Variants in VGLL4 observed in about 807,000 individuals in gnomAD.
VGLL4 encodes vestigial like family member 4.
VGLL4 carries 7 observed loss-of-function variants against 21.0 expected under a neutral mutation model. The ratio of observed to expected loss-of-function variants is 0.33; its 90% confidence interval spans 0.19 to 0.63. The LOEUF (loss-of-function observed/expected upper bound fraction) is 0.63, where lower values mean the gene tolerates loss of function less well. VGLL4 is among the 20% of genes least tolerant of loss of function. The pLI, the probability that VGLL4 is intolerant of heterozygous loss-of-function variation, is 0.78. For missense variants in VGLL4, 394 were observed against 425.7 expected, an observed-to-expected ratio of 0.93 and a Z score of 0.66; for synonymous variants, 222 against 173.2, an observed-to-expected ratio of 1.28 and a Z score of -2.21.
At chr3:11,712,521 T>C (rs958714663) in intron 1 of VGLL4, among the ~76,000 whole-genome samples, 1 of 152,186 alleles carries the variant, frequency 6.6e-6, no homozygotes, top group Non-Finnish European at 1.5e-5. Flanking sequence ...AATCAAATTA[T>C]TACTTAGGCC....
intron 2 of VGLL4, among the ~76,000 whole-genome samples, chr3:11,689,995 T>C (rs1308625179): frequency 6.6e-6 from 1 of 152,112 alleles, no homozygotes; most frequent in African/African-American, 2.4e-5. Context: ...GCTCGGCTTC[T>C]CTCTCAGGCC....
chr3:11,629,746 CAAAAA>C (rs10609918), intron 1 of VGLL4, among the ~76,000 whole-genome samples: 5 of 85,354 alleles, frequency 5.9e-5, no homozygotes, highest in Non-Finnish European at 1.1e-4. Context: ...AGACGGGTCT[CAAAAA>C]AAAAAAAAAA....
intron 2 of VGLL4, among the ~76,000 whole-genome samples, chr3:11,581,872 C>G (rs376778704): frequency 6.6e-6 from 1 of 152,234 alleles, no homozygotes; most frequent in Non-Finnish European, 1.5e-5. Context: ...TTGTACTCCC[C>G]GAATCAGCAG....
rs898452342 is a variant in VGLL4, at chr3:11,595,363, T to C, written c.272+6470A>G. Among the ~76,000 whole-genome samples, 17 of 152,160 alleles carry C rather than the reference T, an allele frequency of 1.1e-4. No homozygotes were observed. In the East Asian group the frequency reaches 1.2e-3, roughly 10 times the overall value. On this transcript the variant is annotated intron_variant, in intron 2 of 4. Transcript: ENST00000430365. ...AGGTGCTGGAGAGGATGTGGAGAAA[T>C]AGGAACACTTTTACACTGTTGGTGG... is the stretch of plus-strand genomic sequence containing the variant.
chr3:11,705,458 A>C (rs1360928642), intron 1 of VGLL4, among the ~76,000 whole-genome samples: 3 of 152,208 alleles, frequency 2.0e-5, no homozygotes, highest in Non-Finnish European at 4.4e-5. Flanking sequence ...TCTTTTTCAG[A>C]GAGGATGGGT....
At chr3:11,588,447 G>A (rs1177039484) in intron 2 of VGLL4, among the ~76,000 whole-genome samples, 1 of 152,222 alleles carries the variant, frequency 6.6e-6, no homozygotes, top group South Asian at 2.1e-4. Flanking sequence ...AGCCCAGGGG[G>A]TCCTACAGGC....
chr3:11,564,909 G>A lies in VGLL4; in HGVS notation c.383C>T (p.Thr128Ile), dbSNP rs964703248. Reference sequence around the variant, plus strand: ...CTCCAGGCCAAGGCTGGGGAGGGAGGTGTACAGGTGGCTGCCGTGCAGGCT... The same window carrying A: ...CTCCAGGCCAAGGCTGGGGAGGGAGATGTACAGGTGGCTGCCGTGCAGGCT... ...TMSLHGSHLY[T>I]SLPSLGLEQP... is the part of the protein sequence containing the mutation. Residue 128 changes from threonine (T) to isoleucine (I), a missense_variant, in exon 3 of 5, where the codon ACC becomes ATC. By Grantham distance (89) the Thr-to-Ile change is moderately conservative. Coordinates refer to ENST00000430365, the MANE Select transcript of VGLL4 (RefSeq NM_001128219.3). 1.7e-5 allele frequency: 27 copies of A among 1,602,568 alleles called. No homozygotes were observed. Among genetic ancestry groups the A allele is most frequent in the Admixed American group, 5.1e-5 (3 of 58,586 alleles).
chr3:11,671,034 A>G (rs2076206899), intron 2 of VGLL4, among the ~76,000 whole-genome samples: 1 of 152,202 alleles, frequency 6.6e-6, no homozygotes, highest in Admixed American at 6.5e-5. Context: ...TTCCGTCTCA[A>G]AAATAAATTT....
chr3:11,671,169 A>G (rs140886286), intron 2 of VGLL4: 1 of 1,384,628 alleles, frequency 7.2e-7, no homozygotes, highest in East Asian at 2.4e-5. Context: ...TAAACATACC[A>G]CACTTTTCTT....
chr3:11,643,286 C>A, intron 1 of VGLL4, 151 bp downstream of exon 1: 2 of 1,167,368 alleles, frequency 1.7e-6, no homozygotes, highest in Non-Finnish European at 2.4e-6. Context: ...CGAACACACT[C>A]GGTGCCGAAC....
At chr3:11,691,183 TG>T (rs2076522326) in intron 2 of VGLL4, among the ~76,000 whole-genome samples, 1 of 150,624 alleles carries the variant, frequency 6.6e-6, no homozygotes, top group Non-Finnish European at 1.5e-5. Flanking sequence ...GTTTTTTATC[TG>T]TTATTTTAGG....
rs2075608839 is a variant in VGLL4, at chr3:11,637,391, A to G, written c.82+6046T>C. Among the ~76,000 whole-genome samples, 3 of 152,184 alleles carry G rather than the reference A, an allele frequency of 2.0e-5. 1 individual carries two copies. Among genetic ancestry groups the G allele is most frequent in the Admixed American group, 2.0e-4 (3 of 15,272 alleles). ...GAATGGATAACAAAATGGTACTAGT[A>G]CTAAGTTTTCTCTAATCACTTACTA... On this transcript the variant is annotated intron_variant, in intron 1 of 4. Coordinates refer to ENST00000430365, the MANE Select transcript of VGLL4 (RefSeq NM_001128219.3).
rs78661164 is a variant in VGLL4 at position 11,591,902 on chromosome 3, C to T, written c.272+9931G>A. ...GCAAAGTGGGGGGATGCTAAAGAAACTAAAAATCCCGATGTAACAACAATA... is the reference window on the plus strand; with the variant it reads ...GCAAAGTGGGGGGATGCTAAAGAAATTAAAAATCCCGATGTAACAACAATA... On this transcript the variant is annotated intron_variant, in intron 2 of 4. Coordinates refer to ENST00000430365, the MANE Select transcript of VGLL4 (RefSeq NM_001128219.3). 2.1e-3 allele frequency among the ~76,000 whole-genome samples: 327 copies of T among 152,376 alleles called. 1 individual carries two copies. Among genetic ancestry groups the T allele is most frequent in the African/African-American group, 7.2e-3 (300 of 41,588 alleles).
In VGLL4 at chr3:11,568,618, T is replaced by C. The variant is rs1225662265; in HGVS notation, c.273-3599A>G. The C allele has an allele frequency of 1.3e-6, 2 of 1,569,616 alleles. No individual in the cohort carries two copies. Among genetic ancestry groups the C allele is most frequent in the African/African-American group, 2.7e-5 (2 of 73,898 alleles). On this transcript the variant is annotated intron_variant, in intron 2 of 4. Transcript: ENST00000430365. This position sits in a 1 kb window ranked among gnomAD's most constrained non-coding sequence, Gnocchi z 5.9. ...TACATTACTCACATTTCCAGCTCAT[T>C]TTCCTGGTTCCCGGAGCTTCAAGAC...
intron 2 of VGLL4, among the ~76,000 whole-genome samples, chr3:11,577,102 C>T (rs917518136): frequency 6.6e-6 from 1 of 152,138 alleles, no homozygotes; most frequent in Non-Finnish European, 1.5e-5. Context: ...CATCCATGGC[C>T]CTGGGGCTCC....
chr3:11,670,023 C>T (rs557380182), intron 2 of VGLL4, among the ~76,000 whole-genome samples: 2 of 152,046 alleles, frequency 1.3e-5, no homozygotes, highest in East Asian at 1.9e-4. Context: ...ATCCCTCTTC[C>T]AGCAGGTAAA....
At chr3:11,559,502 G>C in intron 3 of VGLL4, 47 bp from the exon 4 acceptor site, 6 of 1,501,440 alleles carry the variant, frequency 4.0e-6, no homozygotes, top group Non-Finnish European at 5.4e-6. Flanking sequence ...CTTCAGTACC[G>C]GGCACCACCC....
At position 11,666,277 on chromosome 3, in the gene VGLL4, C is replaced by CTG. The variant is rs1344347449; in HGVS notation, c.64+36692_64+36693dup. Reference sequence around the variant, plus strand: ...AAAAAAAAAAAAAAGAAAGTTCATTCTGTGCTGCGGGAAAGCACATGCAAA... The same window carrying CTG: ...AAAAAAAAAAAAAAGAAAGTTCATTCTGTGTGCTGCGGGAAAGCACATGCAAA... On this transcript the variant is annotated intron_variant, in intron 2 of 5. Coordinates refer to the VGLL4 transcript ENST00000273038. 2.0e-5 allele frequency among the ~76,000 whole-genome samples: 3 copies of CTG among 150,676 alleles called. No homozygotes were observed. In the East Asian group the frequency reaches 5.9e-4, roughly 29 times the overall value.
chr3:11,582,122 G>C (rs1430366267), intron 2 of VGLL4, among the ~76,000 whole-genome samples: 1 of 152,220 alleles, frequency 6.6e-6, no homozygotes. Context: ...AGGGAGGGAC[G>C]AGAAGGAAAA....
Sources: gnomAD v4.1 joint callset for allele counts (sites outside exome capture counted in the v4.1 genomes callset) on GRCh38, gnomAD v4.1.1 for gene constraint, Gnocchi (gnomAD v3.1) non-coding constraint, MANE v1.5 for transcripts, NCBI Gene and HGNC (gene_info 2026-07-23, HGNC 2026-07-21) for gene names.